NELFCD: variants seen among roughly 807,000 people sequenced by gnomAD.
NELFCD encodes the protein negative elongation factor C/D.
Under a neutral mutation model 72.9 loss-of-function variants are expected in NELFCD, and 48 were observed. The ratio of observed to expected loss-of-function variants is 0.66; its 90% confidence interval spans 0.52 to 0.84. NELFCD has a LOEUF of 0.84. Ranked by LOEUF, NELFCD falls within the 40% of genes least tolerant of loss-of-function variation. The pLI, the probability that NELFCD is intolerant of heterozygous loss-of-function variation, is 0.00. For missense variants in NELFCD, 538 were observed against 723.8 expected, an observed-to-expected ratio of 0.74 and a Z score of 2.94; for synonymous variants, 297 against 280.6, an observed-to-expected ratio of 1.06 and a Z score of -0.59.
At chr20:58,990,168 G>A (rs1273251620) in intron 7 of NELFCD, 180 bp downstream of exon 7, 33 of 712,174 alleles carry the variant, frequency 4.6e-5, no homozygotes, top group South Asian at 1.7e-4. Context: ...AGGCCGAGGC[G>A]GATGGATCAC....
In NELFCD at chr20:58,989,199, A is replaced by AGT. The variant is rs2091794922; in HGVS notation, c.504+181_504+182dup. On this transcript the variant is annotated intron_variant, in intron 5 of 14. Coordinates refer to ENST00000652272, the MANE Select transcript of NELFCD (RefSeq NM_198976.4). ...TAAAATTTGTATCTGTTTTTGGGTC[A>AGT]GTGTTGACTGTGTTTTAGGATTTAG... is the stretch of plus-strand genomic sequence containing the variant. 4 of 628,516 alleles carry AGT rather than the reference A, an allele frequency of 6.4e-6. No individual in the cohort carries two copies. The East Asian group carries it at 1.1e-4, about 17-fold the overall frequency. The allele number at this position is 628,516 out of a possible 1,614,324, so 38.9% of individuals were successfully genotyped here. A position where few individuals can be genotyped will look rare whatever the true frequency, so the allele number is the denominator to read the frequency against.
rs774647011 is a variant in NELFCD, at chr20:58,993,601, T to A, written c.1441-23T>A. The A allele has an allele frequency of 6.2e-7, 1 of 1,614,178 alleles. No homozygotes were observed. The highest frequency in any genetic ancestry group is 1.1e-5 in the South Asian group (1 of 91,076). ...CTGAGGAGGACCCTCTCTAACCAGC[T>A]CCCTGTCCCCCTTCTTCTGTAGCTT... On this transcript the variant is annotated intron_variant, in intron 12 of 14. Transcript: ENST00000652272. This position sits in a 1 kb window ranked among gnomAD's most constrained non-coding sequence, Gnocchi z 5.0.
rs368112048 is a variant in NELFCD, at chr20:58,993,158, A to G, written c.1344+46A>G. The G allele has an allele frequency of 1.9e-5, 26 of 1,389,916 alleles. No homozygotes were observed. The highest frequency in any genetic ancestry group is 1.7e-4 in the African/African-American group (12 of 70,614). The allele number at this position is 1,389,916 out of a possible 1,614,324, so 86.1% of individuals were successfully genotyped here. A position where few individuals can be genotyped will look rare whatever the true frequency, so the allele number is the denominator to read the frequency against. ...TCACAGCCTACACAGTGTCTGTCTC[A>G]TGCTGTTTACGTTGGCATTAACATT... On this transcript the variant is annotated intron_variant, in intron 11 of 14. Coordinates refer to ENST00000652272, the MANE Select transcript of NELFCD (RefSeq NM_198976.4). The surrounding 1 kb of genome is among the most constrained non-coding windows in gnomAD (Gnocchi z 5.0).
At position 58,993,618 on chromosome 20, in the gene NELFCD, C is replaced by T. The variant is rs779750866; in HGVS notation, c.1441-6C>T. 1.2e-6 allele frequency: 2 copies of T among 1,614,244 alleles called. No individual in the cohort carries two copies. The highest frequency in any genetic ancestry group is 1.1e-5 in the South Asian group (1 of 91,086). ...TAACCAGCTCCCTGTCCCCCTTCTT[C>T]TGTAGCTTGAGTTGAAGAAGACACT... On this transcript the variant is annotated splice_region_variant and splice_polypyrimidine_tract_variant and intron_variant, in intron 12 of 14. Transcript: ENST00000652272. This position sits in a 1 kb window ranked among gnomAD's most constrained non-coding sequence, Gnocchi z 5.0.
chr20:58,983,383 GC>G (rs1434417110), intron 1 of NELFCD, among the ~76,000 whole-genome samples: 5 of 151,158 alleles, frequency 3.3e-5, no homozygotes, highest in Admixed American at 3.3e-4. Flanking sequence ...TGATCCGCCT[GC>G]CCCGGCCTCC....
intron 7 of NELFCD, 25 bp downstream of exon 7, chr20:58,990,013 CCCTT>C (rs1569058728): frequency 6.2e-7 from 1 of 1,607,858 alleles, no homozygotes; most frequent in East Asian, 2.2e-5. Context: ...TTCTGCTCAG[CCCTT>C]CCTTCCTAGT....
At chr20:58,994,614 A>G in intron 14 of NELFCD, 28 bp from the exon 15 acceptor site, 1 of 1,576,002 alleles carries the variant, frequency 6.3e-7, no homozygotes, top group Non-Finnish European at 8.7e-7. Flanking sequence ...TCCTGTTTCT[A>G]ACACAGTCAC....
In NELFCD at chr20:58,991,997, G is replaced by A. The variant is rs1315579727; in HGVS notation, c.1206G>A (p.Leu402=). Residue 402 remains leucine (L), a synonymous_variant, in exon 10 of 15, where the codon TTG becomes TTA. Coordinates refer to ENST00000652272, the MANE Select transcript of NELFCD (RefSeq NM_198976.4). ...GGGCCTCTGAACTAGTGGCAGAATT[G>A]AGCACACTTTATCAGTGTATTAGGT... The part of the protein sequence containing the change: ...NKGASELVAE[L]STLYQCIRFP... The A allele has an allele frequency of 6.2e-7, 1 of 1,614,168 alleles. No individual in the cohort carries two copies. The highest frequency in any genetic ancestry group is 1.3e-5 in the African/African-American group (1 of 75,048).
chr20:58,988,011 A>G (rs1482361315), intron 4 of NELFCD, 194 bp downstream of exon 4: 29 of 582,716 alleles, frequency 5.0e-5, no homozygotes, highest in Non-Finnish European at 8.6e-5. Context: ...GCTTGCACGC[A>G]AGAGGCACAC....
rs965602060 is a variant in NELFCD, at chr20:58,986,648, C to T, written c.177-106C>T. The T allele has an allele frequency of 1.7e-5, 14 of 825,808 alleles. No homozygotes were observed. Among genetic ancestry groups the T allele is most frequent in the South Asian group, 2.7e-5 (2 of 74,594 alleles). 51.2% of individuals were successfully genotyped at this position (825,808 alleles called of 1,614,324 possible). ...GTGCACCACTGCACCCAGCCCCCTC[C>T]GCTGCTTTAAAAATTTTGAAACCTG... is the stretch of plus-strand genomic sequence containing the variant. On this transcript the variant is annotated intron_variant, in intron 2 of 14. Transcript: ENST00000652272. The surrounding 1 kb of genome is among the most constrained non-coding windows in gnomAD (Gnocchi z 4.4).
chr20:58,993,769 G>A lies in NELFCD; in HGVS notation c.1581+5G>A. ...ATTCGCTATTTTGTCACTGAGGTCA[G>A]CAATGCACCGTTGGTTTCATGTTTC... On this transcript the variant is annotated splice_donor_5th_base_variant and intron_variant, in intron 13 of 14. Transcript: ENST00000652272. This position sits in a 1 kb window ranked among gnomAD's most constrained non-coding sequence, Gnocchi z 5.0. 1.2e-6 allele frequency: 2 copies of A among 1,613,932 alleles called. No homozygotes were observed. The highest frequency in any genetic ancestry group is 1.7e-6 in the Non-Finnish European group (2 of 1,179,936).
chr20:58,990,043 C>T, intron 7 of NELFCD, 55 bp downstream of exon 7: 1 of 1,590,650 alleles, frequency 6.3e-7, no homozygotes, highest in African/African-American at 1.3e-5. Context: ...CCACAAAACC[C>T]TTCCCATGGC....
chr20:58,994,056 G>A lies in NELFCD; in HGVS notation c.1582-54G>A, dbSNP rs1208928915. On this transcript the variant is annotated intron_variant, in intron 13 of 14. Transcript: ENST00000652272. ...TGATGGCCATTTCACCCGGATGTCG[G>A]TGGATGCCCCGCACTAGTGTGCGGA... is the stretch of plus-strand genomic sequence containing the variant. 9 of 1,594,160 alleles carry A rather than the reference G, an allele frequency of 5.6e-6. 1 individual carries two copies. In the Admixed American group the frequency reaches 1.5e-4, roughly 27 times the overall value.
Position 58,992,986 on chromosome 20 carries a change from C to T in NELFCD, c.1230-12C>T, listed in dbSNP as rs2091828685. ...ATTGTTTTTTAAAGGAAGCATTCTG[C>T]CTTAACTGTAGGTTTCCAGTGGTAG... is the stretch of plus-strand genomic sequence containing the variant. On this transcript the variant is annotated splice_polypyrimidine_tract_variant and intron_variant, in intron 10 of 14. Transcript: ENST00000652272. 2 of 1,588,970 alleles carry T rather than the reference C, an allele frequency of 1.3e-6. No individual in the cohort carries two copies. Among genetic ancestry groups the T allele is most frequent in the Admixed American group, 1.7e-5 (1 of 59,938 alleles).
rs1269313858 is a variant in NELFCD at position 58,981,377 on chromosome 20, G to A, written c.60+8G>A. On this transcript the variant is annotated splice_region_variant and intron_variant, in intron 1 of 14. Transcript: ENST00000652272. ...GAGGCTGACGGCGGCCAGGTGAGGC[G>A]GGGCACTGGGCGCACCCTAGAGAGA... is the stretch of plus-strand genomic sequence containing the variant. 9.3e-7 allele frequency: 1 copy of A among 1,076,676 alleles called. No homozygotes were observed. The highest frequency in any genetic ancestry group is 1.1e-6 in the Non-Finnish European group (1 of 881,910). 66.7% of individuals were successfully genotyped at this position (1,076,676 alleles called of 1,614,324 possible).
intron 3 of NELFCD, chr20:58,987,450 C>T (rs2091780684): frequency 2.2e-6 from 1 of 459,748 alleles, no homozygotes; most frequent in Non-Finnish European, 3.9e-6. Context: ...TTGTCTTTAT[C>T]CTCAGTGAGG....
rs372432655 is a variant in NELFCD, at chr20:58,993,778, C to T, written c.1581+14C>T. 1.7e-5 allele frequency: 28 copies of T among 1,613,298 alleles called. No homozygotes were observed. In the Middle Eastern group the frequency reaches 4.9e-4, roughly 28 times the overall value. ...TTTGTCACTGAGGTCAGCAATGCACCGTTGGTTTCATGTTTCATACTGTTT... is the reference window on the plus strand; with the variant it reads ...TTTGTCACTGAGGTCAGCAATGCACTGTTGGTTTCATGTTTCATACTGTTT... On this transcript the variant is annotated intron_variant, in intron 13 of 14. Transcript: ENST00000652272. The surrounding 1 kb of genome is among the most constrained non-coding windows in gnomAD (Gnocchi z 5.0).
chr20:58,986,647 C>T lies in NELFCD; in HGVS notation c.177-107C>T. The T allele has an allele frequency of 1.2e-6, 1 of 819,048 alleles. No individual in the cohort carries two copies. The allele number at this position is 819,048 out of a possible 1,614,324, so 50.7% of individuals were successfully genotyped here. The stretch of plus-strand genomic sequence containing the variant: ...TGTGCACCACTGCACCCAGCCCCCT[C>T]CGCTGCTTTAAAAATTTTGAAACCT... On this transcript the variant is annotated intron_variant, in intron 2 of 14. Coordinates refer to ENST00000652272, the MANE Select transcript of NELFCD (RefSeq NM_198976.4). The surrounding 1 kb of genome is among the most constrained non-coding windows in gnomAD (Gnocchi z 4.4).
chr20:58,989,504 G>A lies in NELFCD; in HGVS notation c.521G>A (p.Gly174Glu). 1 of 1,613,946 alleles carries A rather than the reference G, an allele frequency of 6.2e-7. No homozygotes were observed. Among genetic ancestry groups the A allele is most frequent in the Non-Finnish European group, 8.5e-7 (1 of 1,179,846 alleles). The change falls in exon 6 of 15, where the codon GGG (glycine) becomes GAG (glutamate). Residue 174 changes from glycine to glutamate, a missense_variant. By Grantham distance (98) the Gly-to-Glu change is moderately conservative (BLOSUM62 -2). This residue lies in a region of NELFCD where 355 missense variants were observed against 534.5 expected (regional missense o/e 0.66). Transcript: ENST00000652272. ...NFTVKLISDA[G>E]YQGEITSVST... ...GTGTCCTAGCTTATTTCTGACGCAG[G>A]GTACCAGGGGGAGATCACCAGTGTG...
Sources: gnomAD v4.1 joint callset for allele counts (sites outside exome capture counted in the v4.1 genomes callset) on GRCh38, gnomAD v4.1.1 for gene constraint, gnomAD v4.1.1 regional missense constraint, Gnocchi (gnomAD v3.1) non-coding constraint, MANE v1.5 for transcripts, NCBI Gene and HGNC (gene_info 2026-07-23, HGNC 2026-07-21) for gene names.